ROBO1: variants seen among roughly 807,000 people sequenced by gnomAD.
The protein encoded by ROBO1 is roundabout guidance receptor 1.
In ROBO1, 149 loss-of-function variants were observed where a neutral mutation model predicts 195.9. The ratio of observed to expected loss-of-function variants is 0.76; its 90% CI spans 0.67 to 0.87. The LOEUF (loss-of-function observed/expected upper bound fraction) is 0.87, where lower values mean the gene tolerates loss of function less well. Ranked by LOEUF, ROBO1 falls within the 40% of genes least tolerant of loss-of-function variation. The pLI is 0.00. For missense variants in ROBO1, 1,933 were observed against 2,068.3 expected (o/e 0.93, Z 1.27); for synonymous variants, 816 against 733.2 (o/e 1.11, Z -1.82).
At chr3:79,438,150 C>A (rs1398897210) in intron 2 of ROBO1, among the ~76,000 whole-genome samples, 1 of 151,830 alleles carries the variant, frequency 6.6e-6, no homozygotes. Flanking sequence ...ATTACTTATA[C>A]TTCATTTATA....
At chr3:78,967,097 T>C (rs923149445) in intron 3 of ROBO1, among the ~76,000 whole-genome samples, 2 of 152,212 alleles carry the variant, frequency 1.3e-5, no homozygotes, top group Non-Finnish European at 1.5e-5. Flanking sequence ...TTCCTTTTCC[T>C]AGTGACTGTT....
At chr3:79,750,023 C>T (rs1024238073) in intron 1 of ROBO1, among the ~76,000 whole-genome samples, 9 of 152,204 alleles carry the variant, frequency 5.9e-5, no homozygotes, top group Middle Eastern at 3.2e-3. Context: ...CAAGTCCAGC[C>T]CATAAAAGCA....
chr3:79,764,704 G>GCACAAC (rs1704892083), intron 1 of ROBO1, among the ~76,000 whole-genome samples: 1 of 152,182 alleles, frequency 6.6e-6, no homozygotes, highest in East Asian at 1.9e-4. Flanking sequence ...TTATAGCTAA[G>GCACAAC]CACAACACTA....
chr3:79,717,212 TG>T (rs68006277), intron 1 of ROBO1, among the ~76,000 whole-genome samples: 4,473 of 150,860 alleles, frequency 0.03, 170 homozygotes, highest in African/African-American at 0.089. Flanking sequence ...ATAAAGCTTT[TG>T]TTTTTCTGAA....
chr3:78,846,494 T>C (rs1049436759), intron 4 of ROBO1, among the ~76,000 whole-genome samples: 42 of 152,234 alleles, frequency 2.8e-4, no homozygotes, highest in Admixed American at 2.5e-3. Context: ...ATCATCTTTA[T>C]TTTTCACGAT....
intron 2 of ROBO1, among the ~76,000 whole-genome samples, chr3:79,490,606 G>T (rs1209312011): frequency 6.6e-6 from 1 of 152,184 alleles, no homozygotes; most frequent in Non-Finnish European, 1.5e-5. Context: ...ACCTAAGTGT[G>T]ATTTTTCAAG....
At chr3:79,279,286 CAAAA>C (rs917550505) in intron 2 of ROBO1, among the ~76,000 whole-genome samples, 2 of 151,424 alleles carry the variant, frequency 1.3e-5, no homozygotes, top group Non-Finnish European at 2.9e-5. Context: ...AACAAACAAA[CAAAA>C]AAACAAAAAC....
intron 2 of ROBO1, among the ~76,000 whole-genome samples, chr3:79,179,653 A>G (rs1345123175): frequency 1.3e-5 from 2 of 152,188 alleles, no homozygotes; most frequent in Admixed American, 6.5e-5. Flanking sequence ...AACTTTGGGG[A>G]AAAAAATTAT....
intron 1 of ROBO1, among the ~76,000 whole-genome samples, chr3:79,666,843 T>C (rs1006080010): frequency 6.6e-6 from 1 of 151,978 alleles, no homozygotes; most frequent in South Asian, 2.1e-4. Context: ...ACTTTAAAGA[T>C]CATTTTAAAC....
At chr3:78,971,489 A>G (rs17016656) in intron 3 of ROBO1, among the ~76,000 whole-genome samples, 23,242 of 152,120 alleles carry the variant, frequency 0.15, 2,713 homozygotes, top group African/African-American at 0.33. Flanking sequence ...TATAACCTAA[A>G]AAAATGACTG....
chr3:79,599,871 TAATAA>T (rs1944288395), intron 1 of ROBO1, among the ~76,000 whole-genome samples: 1 of 152,018 alleles, frequency 6.6e-6, no homozygotes, highest in Non-Finnish European at 1.5e-5. Flanking sequence ...TAATGAAAAG[TAATAA>T]AATATAGTCT....
At chr3:79,081,434 CAGTTCTGGAAAAAGATAGTGT>C (rs1287573871) in intron 3 of ROBO1, among the ~76,000 whole-genome samples, 1 of 152,068 alleles carries the variant, frequency 6.6e-6, no homozygotes, top group African/African-American at 2.4e-5. Context: ...TAGTAAAGTT[CAGTTCTGGAAAAAGATAGTGT>C]ACTGAATACA....
At chr3:78,695,932 A>T (rs1279256865) in intron 8 of ROBO1, among the ~76,000 whole-genome samples, 2 of 152,086 alleles carry the variant, frequency 1.3e-5, no homozygotes, top group African/African-American at 4.8e-5. Context: ...CTTGAAAAAA[A>T]TTACCATCCC....
At chr3:79,338,061 A>T (rs536400401) in intron 2 of ROBO1, among the ~76,000 whole-genome samples, 1 of 152,300 alleles carries the variant, frequency 6.6e-6, no homozygotes, top group East Asian at 1.9e-4. Flanking sequence ...AATCAATTCT[A>T]ATTATTATTT....
intron 3 of ROBO1, among the ~76,000 whole-genome samples, chr3:78,946,784 C>T (rs1386566882): frequency 4.6e-5 from 7 of 152,046 alleles, no homozygotes; most frequent in Admixed American, 1.3e-4. Context: ...ACCCATCTCA[C>T]GTGCAGAGAC....
intron 4 of ROBO1, among the ~76,000 whole-genome samples, chr3:78,884,259 G>T (rs2107287701): frequency 6.6e-6 from 1 of 152,250 alleles, no homozygotes; most frequent in Non-Finnish European, 1.5e-5. Context: ...CAGAAGCAAT[G>T]CAGTGGAAAA....
At chr3:78,868,268 A>G (rs536998738) in intron 4 of ROBO1, among the ~76,000 whole-genome samples, 1 of 152,218 alleles carries the variant, frequency 6.6e-6, no homozygotes, top group East Asian at 1.9e-4. Flanking sequence ...TATGGTAAAC[A>G]TTGCAACATA....
intron 3 of ROBO1, among the ~76,000 whole-genome samples, chr3:79,049,382 G>A (rs1360754038): frequency 6.6e-6 from 1 of 152,148 alleles, no homozygotes; most frequent in Non-Finnish European, 1.5e-5. Flanking sequence ...AAGCCTCAGA[G>A]AAATAAGGGA....
At chr3:79,618,839 C>T (rs1944907929) in intron 1 of ROBO1, among the ~76,000 whole-genome samples, 1 of 152,148 alleles carries the variant, frequency 6.6e-6, no homozygotes, top group African/African-American at 2.4e-5. Context: ...CTCTCTTCTC[C>T]AGCCTCTCGT....
Sources: gnomAD v4.1 joint callset for allele counts (sites outside exome capture counted in the v4.1 genomes callset) on GRCh38, gnomAD v4.1.1 for gene constraint, MANE v1.5 for transcripts, NCBI Gene and HGNC (gene_info 2026-07-23, HGNC 2026-07-21) for gene names.